Variants in PLXDC2 observed in about 807,000 individuals in gnomAD.
The protein encoded by PLXDC2 is plexin domain containing 2, also known as plexin domain-containing protein 2.
In PLXDC2, 40 loss-of-function variants were observed where a neutral mutation model predicts 68.9. The observed-to-expected ratio is 0.58, with a 90% CI of 0.45 to 0.76. PLXDC2 has a LOEUF of 0.76. PLXDC2 is among the 30% of genes least tolerant of loss of function. The probability of loss-of-function intolerance (pLI) is 0.00; values close to 1 mark genes in which losing one functional copy is unlikely to be tolerated. For synonymous variants in PLXDC2, 243 were observed against 234.2 expected (o/e 1.04, Z -0.34); for missense variants, 644 against 661.9 (o/e 0.97, Z 0.30).
chr10:19,832,046 C>G (rs1023609262), intron 1 of PLXDC2, among the ~76,000 whole-genome samples: 2 of 152,164 alleles, frequency 1.3e-5, no homozygotes, highest in Non-Finnish European at 2.9e-5. Flanking sequence ...AAAAACCCAT[C>G]AAACAAATGG....
At chr10:20,096,314 A>G (rs1833349008) in intron 4 of PLXDC2, among the ~76,000 whole-genome samples, 1 of 152,194 alleles carries the variant, frequency 6.6e-6, no homozygotes, top group South Asian at 2.1e-4. Flanking sequence ...TAATTGTGGA[A>G]TTATTACCTT....
At chr10:20,215,846 T>C (rs1362925533) in intron 10 of PLXDC2, among the ~76,000 whole-genome samples, 1 of 151,996 alleles carries the variant, frequency 6.6e-6, no homozygotes, top group African/African-American at 2.4e-5. Flanking sequence ...ACCCAAGGAG[T>C]AAAACCGGGA....
chr10:19,887,640 C>A (rs1482098232), intron 1 of PLXDC2, among the ~76,000 whole-genome samples: 1 of 152,192 alleles, frequency 6.6e-6, no homozygotes, highest in Non-Finnish European at 1.5e-5. Context: ...TGAGTGCATG[C>A]ATGTTCACAA....
intron 9 of PLXDC2, among the ~76,000 whole-genome samples, chr10:20,203,292 A>ATT (rs10582241): frequency 2.8e-4 from 41 of 144,712 alleles, no homozygotes; most frequent in Non-Finnish European, 4.4e-4. Context: ...AATAAGATGA[A>ATT]TTTTTTTTTT....
intron 3 of PLXDC2, among the ~76,000 whole-genome samples, chr10:20,050,593 A>C (rs1157391108): frequency 2.0e-5 from 3 of 152,200 alleles, no homozygotes; most frequent in Non-Finnish European, 4.4e-5. Flanking sequence ...GCCAACAAGC[A>C]TATGAAAAAA....
intron 12 of PLXDC2, among the ~76,000 whole-genome samples, chr10:20,227,521 C>T (rs185234326): frequency 6.6e-6 from 1 of 152,150 alleles, no homozygotes; most frequent in East Asian, 1.9e-4. Context: ...AAAGAGCTGC[C>T]AGATTTGATT....
intron 1 of PLXDC2, among the ~76,000 whole-genome samples, chr10:19,909,964 C>G (rs1254236385): frequency 6.6e-6 from 1 of 152,060 alleles, no homozygotes; most frequent in African/African-American, 2.4e-5. Context: ...TCTACTTGCA[C>G]GTATTTTGGG....
chr10:20,020,173 A>G (rs1251913813), intron 2 of PLXDC2, among the ~76,000 whole-genome samples: 1 of 108,962 alleles, frequency 9.2e-6, no homozygotes, highest in African/African-American at 4.1e-5. Context: ...CACCACACCC[A>G]GCAAATTTTT....
At chr10:19,973,458 G>T (rs1834396225) in intron 1 of PLXDC2, among the ~76,000 whole-genome samples, 1 of 144,792 alleles carries the variant, frequency 6.9e-6, no homozygotes, top group South Asian at 2.3e-4. Context: ...CAAGGAATTT[G>T]GTAGGAAAAG....
At chr10:20,022,065 C>T (rs1005533341) in intron 2 of PLXDC2, among the ~76,000 whole-genome samples, 3 of 152,168 alleles carry the variant, frequency 2.0e-5, no homozygotes, top group East Asian at 1.9e-4. Context: ...GAATGCATCA[C>T]GGAACTGTAT....
chr10:20,181,953 G>A (rs1272993825), intron 9 of PLXDC2, among the ~76,000 whole-genome samples: 1 of 151,886 alleles, frequency 6.6e-6, no homozygotes, highest in Non-Finnish European at 1.5e-5. Context: ...GGAAGAGGCT[G>A]GTAGTGAGCT....
intron 4 of PLXDC2, among the ~76,000 whole-genome samples, chr10:20,111,702 A>G (rs10827966): frequency 0.03 from 4,613 of 152,266 alleles, 242 homozygotes; most frequent in African/African-American, 0.11. Flanking sequence ...TGAAATCCCA[A>G]GATGCGAGTC....
chr10:20,190,135 T>C (rs1834744939), intron 9 of PLXDC2, among the ~76,000 whole-genome samples: 1 of 151,954 alleles, frequency 6.6e-6, no homozygotes, highest in Non-Finnish European at 1.5e-5. Flanking sequence ...CCAAGTAATG[T>C]TAAAGTTTTG....
chr10:19,983,039 T>C (rs1205269738), intron 1 of PLXDC2, among the ~76,000 whole-genome samples: 1 of 152,234 alleles, frequency 6.6e-6, no homozygotes, highest in Non-Finnish European at 1.5e-5. Flanking sequence ...CATTTATATG[T>C]TCTTTAGACT....
At chr10:20,156,986 C>G (rs1834225347) in intron 6 of PLXDC2, among the ~76,000 whole-genome samples, 1 of 152,158 alleles carries the variant, frequency 6.6e-6, no homozygotes, top group South Asian at 2.1e-4. Flanking sequence ...ATGGCACTAT[C>G]ATAGCTCACT....
chr10:19,945,843 A>C (rs561410523), intron 1 of PLXDC2, among the ~76,000 whole-genome samples: 1 of 152,190 alleles, frequency 6.6e-6, no homozygotes, highest in African/African-American at 2.4e-5. Context: ...GTTCACTCCA[A>C]TCAGATATGA....
At chr10:19,833,267 G>C (rs1049783501) in intron 1 of PLXDC2, among the ~76,000 whole-genome samples, 3 of 152,194 alleles carry the variant, frequency 2.0e-5, no homozygotes, top group Non-Finnish European at 4.4e-5. Flanking sequence ...ACTGTTGCAG[G>C]TCTGGGAAAA....
At chr10:20,140,442 C>CTATCTATCT (rs34794355) in intron 4 of PLXDC2, among the ~76,000 whole-genome samples, 23,944 of 145,204 alleles carry the variant, frequency 0.16, 2,450 homozygotes, top group Non-Finnish European at 0.18. Flanking sequence ...TCTATCTATC[C>CTATCTATCT]GTCTAATCTT....
intron 1 of PLXDC2, among the ~76,000 whole-genome samples, chr10:19,939,057 A>G (rs1833773270): frequency 6.6e-6 from 1 of 152,232 alleles, no homozygotes. Flanking sequence ...ATATCCTGTA[A>G]TCAAAGAGTG....
Sources: gnomAD v4.1 joint callset for allele counts (sites outside exome capture counted in the v4.1 genomes callset) on GRCh38, gnomAD v4.1.1 for gene constraint, MANE v1.5 for transcripts, NCBI Gene and HGNC (gene_info 2026-07-23, HGNC 2026-07-21) for gene names.